Variants in PTPN13 observed in about 807,000 individuals in gnomAD.
The protein encoded by PTPN13 is protein tyrosine phosphatase non-receptor type 13.
A neutral mutation model predicts 284.0 loss-of-function variants in PTPN13; 191 were observed. That is an observed-to-expected ratio of 0.67 (90% CI 0.60 to 0.76). The LOEUF is 0.76. PTPN13 is among the 30% of genes least tolerant of loss of function. The pLI, the probability that PTPN13 is intolerant of heterozygous loss-of-function variation, is 0.00. For missense variants in PTPN13, 2,797 were observed against 2,939.9 expected, an observed-to-expected ratio of 0.95 and a Z score of 1.12; for synonymous variants, 986 against 1,022.3, an observed-to-expected ratio of 0.96 and a Z score of 0.68.
At chr4:86,743,369 ATTCT>A (rs1180771099) in intron 16 of PTPN13, among the ~76,000 whole-genome samples, 1 of 151,692 alleles carries the variant, frequency 6.6e-6, no homozygotes, top group Non-Finnish European at 1.5e-5. Flanking sequence ...AACTAAGAAG[ATTCT>A]TTCTTTCATG....
At chr4:86,596,921 A>G (rs189086135) in intron 1 of PTPN13, among the ~76,000 whole-genome samples, 2 of 152,222 alleles carry the variant, frequency 1.3e-5, no homozygotes, top group East Asian at 1.9e-4. Flanking sequence ...AAACACAACC[A>G]TACTCCAAGC....
intron 1 of PTPN13, among the ~76,000 whole-genome samples, chr4:86,633,685 G>A (rs957395753): frequency 2.6e-5 from 4 of 152,188 alleles, no homozygotes; most frequent in African/African-American, 9.7e-5. Flanking sequence ...CACAAGTCAT[G>A]TTGGTATCTG....
chr4:86,786,227 T>TC (rs1299609330), intron 40 of PTPN13, among the ~76,000 whole-genome samples: 1 of 152,160 alleles, frequency 6.6e-6, no homozygotes, highest in African/African-American at 2.4e-5. Context: ...CTTAGGATCT[T>TC]CTGGGATATT....
chr4:86,731,185 A>G (rs1162052138), intron 10 of PTPN13, among the ~76,000 whole-genome samples: 1 of 152,162 alleles, frequency 6.6e-6, no homozygotes, highest in Non-Finnish European at 1.5e-5. Context: ...ACACACCTAC[A>G]CATACACACA....
chr4:86,771,645 AGTG>A, intron 31 of PTPN13, 110 bp downstream of exon 31: 1 of 1,217,258 alleles, frequency 8.2e-7, no homozygotes, highest in Non-Finnish European at 1.1e-6. Flanking sequence ...TGACCTTCAC[AGTG>A]GTTAGGCAGA....
chr4:86,670,658 T>C (rs2148887938), intron 2 of PTPN13, among the ~76,000 whole-genome samples: 1 of 152,344 alleles, frequency 6.6e-6, no homozygotes, highest in East Asian at 1.9e-4. Context: ...CTAGTGTTTG[T>C]TCCCCTTAGT....
chr4:86,767,710 G>A (rs1739497606), intron 27 of PTPN13, 107 bp from the exon 28 acceptor site: 2 of 856,184 alleles, frequency 2.3e-6, no homozygotes, highest in African/African-American at 1.8e-5. Flanking sequence ...ACCAAATTTG[G>A]TAGTTACTTT....
intron 35 of PTPN13, among the ~76,000 whole-genome samples, chr4:86,777,289 A>G (rs944216054): frequency 6.6e-6 from 1 of 152,258 alleles, no homozygotes; most frequent in Admixed American, 6.5e-5. Context: ...TCTACCCTCT[A>G]GAGACTCCCC....
At chr4:86,807,524 T>C in intron 44 of PTPN13, 36 bp from the exon 45 acceptor site, 4 of 1,480,662 alleles carry the variant, frequency 2.7e-6, no homozygotes, top group Non-Finnish European at 3.7e-6. Context: ...AAATGCATGA[T>C]ATGGATGGCT....
chr4:86,685,927 G>T (rs553880429), intron 3 of PTPN13, among the ~76,000 whole-genome samples: 10 of 152,166 alleles, frequency 6.6e-5, no homozygotes, highest in African/African-American at 1.9e-4. Context: ...AGTAGCAAAG[G>T]TTTGAAAAAA....
intron 43 of PTPN13, 127 bp from the exon 44 acceptor site, chr4:86,805,152 A>G (rs1744515521): frequency 3.8e-6 from 2 of 523,602 alleles, no homozygotes; most frequent in African/African-American, 3.9e-5. Flanking sequence ...CTTATTTAGG[A>G]CATCTGTATT....
At chr4:86,733,345 T>G (rs1735145384) in intron 12 of PTPN13, among the ~76,000 whole-genome samples, 1 of 152,096 alleles carries the variant, frequency 6.6e-6, no homozygotes, top group South Asian at 2.1e-4. Flanking sequence ...TTTTTGGAAT[T>G]CATCTCCTTT....
intron 16 of PTPN13, among the ~76,000 whole-genome samples, chr4:86,742,622 G>A (rs1279597052): frequency 6.6e-6 from 1 of 152,076 alleles, no homozygotes; most frequent in Non-Finnish European, 1.5e-5. Context: ...TAGACCTAAT[G>A]GTTAGTTGAT....
At chr4:86,692,950 G>T (rs1170704617) in intron 5 of PTPN13, among the ~76,000 whole-genome samples, 1 of 151,792 alleles carries the variant, frequency 6.6e-6, no homozygotes, top group Non-Finnish European at 1.5e-5. Context: ...GTGGTGGTAT[G>T]CACCAGTAGT....
intron 1 of PTPN13, among the ~76,000 whole-genome samples, chr4:86,631,089 T>C (rs892185002): frequency 6.6e-6 from 1 of 152,186 alleles, no homozygotes; most frequent in Non-Finnish European, 1.5e-5. Flanking sequence ...AAGTAAATAA[T>C]ATGGCTATGT....
intron 47 of PTPN13, among the ~76,000 whole-genome samples, chr4:86,813,461 T>C (rs1578743129): frequency 6.6e-6 from 1 of 152,136 alleles, no homozygotes; most frequent in South Asian, 2.1e-4. Flanking sequence ...TTGTTTGTTT[T>C]TTGAGATGGA....
Position 86,814,440 on chromosome 4 carries a change from C to A in PTPN13, c.7363-16C>A. On this transcript the variant is annotated splice_polypyrimidine_tract_variant and intron_variant, in intron 47 of 47. Coordinates refer to ENST00000411767, the MANE Select transcript of PTPN13 (RefSeq NM_080683.3). Reference sequence around the variant, plus strand: ...TATACATCTAAAGTATTCTATCTCACTTTTTTTGGCCATAGGATCAATATA... The same window carrying A: ...TATACATCTAAAGTATTCTATCTCAATTTTTTTGGCCATAGGATCAATATA... 6.5e-7 allele frequency: 1 copy of A among 1,548,118 alleles called. No individual in the cohort carries two copies. Among genetic ancestry groups the A allele is most frequent in the Non-Finnish European group, 8.9e-7 (1 of 1,122,434 alleles).
intron 2 of PTPN13, among the ~76,000 whole-genome samples, chr4:86,669,382 G>T (rs1405294736): frequency 1.4e-5 from 2 of 147,726 alleles, no homozygotes; most frequent in African/African-American, 5.0e-5. Flanking sequence ...TATAAAAGTT[G>T]AAATATATAG....
chr4:86,692,443 T>C lies in PTPN13; in HGVS notation c.547-1144T>C, dbSNP rs1730126781. Among the ~76,000 whole-genome samples the C allele has an allele frequency of 1.3e-5, 2 of 152,220 alleles. 1 individual carries two copies. The highest frequency in any genetic ancestry group is 1.3e-4 in the Admixed American group (2 of 15,286). ...TCCATACTTCAGCAAAATTCACTAATGGAGCAATATTAAAACATTTCTGTG... is the reference window on the plus strand; with the variant it reads ...TCCATACTTCAGCAAAATTCACTAACGGAGCAATATTAAAACATTTCTGTG... On this transcript the variant is annotated intron_variant, in intron 5 of 47. Transcript: ENST00000411767.
Sources: gnomAD v4.1 joint callset for allele counts (sites outside exome capture counted in the v4.1 genomes callset) on GRCh38, gnomAD v4.1.1 for gene constraint, MANE v1.5 for transcripts, NCBI Gene and HGNC (gene_info 2026-07-23, HGNC 2026-07-21) for gene names.